Variants in TRPS1 observed in about 807,000 individuals in gnomAD.
The protein encoded by TRPS1 is transcriptional repressor GATA binding 1, also known as zinc finger transcription factor Trps1.
In TRPS1, 6 loss-of-function variants were observed where a neutral mutation model predicts 101.2. The ratio of observed to expected loss-of-function variants is 0.06; its 90% CI spans 0.03 to 0.12. The LOEUF (loss-of-function observed/expected upper bound fraction) is 0.12, where lower values mean the gene tolerates loss of function less well. Ranked by LOEUF, TRPS1 falls within the 10% of genes least tolerant of loss-of-function variation. The probability of loss-of-function intolerance (pLI) is 1.00; values close to 1 mark genes in which losing one functional copy is unlikely to be tolerated. For synonymous variants in TRPS1, 578 were observed against 589.8 expected, an observed-to-expected ratio of 0.98 and a Z score of 0.29; for missense variants, 1,363 against 1,567.0, an observed-to-expected ratio of 0.87 and a Z score of 2.20.
intron 5 of TRPS1, chr8:115,492,331 AGATAATTTTGCAG>A (rs1815044136): frequency 2.2e-6 from 1 of 448,382 alleles, no homozygotes; most frequent in South Asian, 1.6e-5. Flanking sequence ...TTAGAGAGGC[AGATAATTTTGCAG>A]GAACAGACAG....
chr8:115,589,944 C>T (rs1317933743), intron 4 of TRPS1, among the ~76,000 whole-genome samples: 2 of 152,182 alleles, frequency 1.3e-5, no homozygotes, highest in East Asian at 3.9e-4. Flanking sequence ...TGGTGAAACC[C>T]CATCTCTAAT....
At position 115,498,370 on chromosome 8, in the gene TRPS1, CCCGTCTCTCT is replaced by C. The variant is rs370158947; in HGVS notation, c.2701-79928_2701-79919del. 1.9e-3 allele frequency among the ~76,000 whole-genome samples: 92 copies of C among 48,850 alleles called. 5 individuals are homozygous for C. Among genetic ancestry groups the C allele is most frequent in the East Asian group, 5.1e-3 (4 of 784 alleles). The allele number at this position is 48,850 out of a possible 152,430, so 32.0% of individuals were successfully genotyped here. A position where few individuals can be genotyped will look rare whatever the true frequency, so the allele number is the denominator to read the frequency against. On this transcript the variant is annotated intron_variant, in intron 5 of 6. Transcript: ENST00000395715. ...TCCAGCCTGGGCAACAAAGAGAGAG[CCCGTCTCTCT>C]CTCTCTCTCTCTCTCTCTCTCTCTC...
rs1035003225 is a variant in TRPS1, at chr8:115,634,739, T to A, written c.-121-10981A>T. ...GAGTACCAAACAGTACTTTTAATCCTGTTGTAACATTAAGAATGCCCTGTT... is the reference window on the plus strand; with the variant it reads ...GAGTACCAAACAGTACTTTTAATCCAGTTGTAACATTAAGAATGCCCTGTT... On this transcript the variant is annotated intron_variant, in intron 1 of 6. Coordinates refer to ENST00000395715, the MANE Select transcript of TRPS1 (RefSeq NM_014112.5). 3.9e-5 allele frequency among the ~76,000 whole-genome samples: 6 copies of A among 152,180 alleles called. No individual in the cohort carries two copies. In the East Asian group the frequency reaches 9.6e-4, roughly 24 times the overall value.
intron 5 of TRPS1, among the ~76,000 whole-genome samples, chr8:115,522,883 TTTG>T (rs1206011545): frequency 5.9e-5 from 9 of 152,096 alleles, no homozygotes; most frequent in African/African-American, 4.8e-5. Flanking sequence ...CTTTGAGTTT[TTTG>T]TTGTTGTTGT....
chr8:115,535,409 A>G (rs1586376267), intron 5 of TRPS1, among the ~76,000 whole-genome samples: 1 of 134,412 alleles, frequency 7.4e-6, no homozygotes, highest in African/African-American at 3.7e-5. Flanking sequence ...TATATATAGC[A>G]TATATAGTGC....
rs370386790 is a variant in TRPS1 at position 115,619,672 on chromosome 8, T to C, written c.426A>G (p.Gln142=). 3.7e-5 allele frequency: 59 copies of C among 1,614,050 alleles called. No homozygotes were observed. Among genetic ancestry groups the C allele is most frequent in the Non-Finnish European group, 4.2e-5 (50 of 1,180,036 alleles). ...CTTGAGGGTCATCTGCCTCTGCTCT[T>C]TGCGGAGACTTCAAGGGCTCACAGA... ...GGVCEPLKSP[Q]RAEADDPQDM... Residue 142 remains glutamine, a synonymous_variant, in exon 3 of 7, where the codon CAA becomes CAG. Coordinates refer to ENST00000395715, the MANE Select transcript of TRPS1 (RefSeq NM_014112.5).
chr8:115,565,844 A>G (rs1817055278), intron 5 of TRPS1, among the ~76,000 whole-genome samples: 1 of 152,168 alleles, frequency 6.6e-6, no homozygotes, highest in Non-Finnish European at 1.5e-5. Context: ...AGCACCAAGA[A>G]GAAGCATCAT....
chr8:115,547,914 A>C (rs1413025952), intron 5 of TRPS1, among the ~76,000 whole-genome samples: 1 of 152,116 alleles, frequency 6.6e-6, no homozygotes, highest in African/African-American at 2.4e-5. Flanking sequence ...CTTCTATTTT[A>C]AGAGAAAACT....
intron 5 of TRPS1, among the ~76,000 whole-genome samples, chr8:115,540,607 T>C (rs934148402): frequency 2.0e-5 from 3 of 150,648 alleles, no homozygotes; most frequent in Non-Finnish European, 4.4e-5. Context: ...TGGGGAATCA[T>C]AAAAAAAAAT....
chr8:115,451,339 A>C (rs1160793830), intron 5 of TRPS1, among the ~76,000 whole-genome samples: 1 of 151,518 alleles, frequency 6.6e-6, no homozygotes, highest in South Asian at 2.1e-4. Flanking sequence ...TTTTTCAATG[A>C]GTATTTTCTA....
rs1482278245 is a variant in TRPS1, at chr8:115,664,029, C to T, written c.-122+4516G>A. 2.6e-5 allele frequency among the ~76,000 whole-genome samples: 4 copies of T among 151,856 alleles called. No individual in the cohort carries two copies. The South Asian group carries it at 6.2e-4, about 24-fold the overall frequency. On this transcript the variant is annotated intron_variant, in intron 1 of 6. Transcript: ENST00000395715. Reference sequence around the variant, plus strand: ...CAAAAAGTGATCATAATAATAAAATCGAAGATATTATTTATAAAGGTCATA... The same window carrying T: ...CAAAAAGTGATCATAATAATAAAATTGAAGATATTATTTATAAAGGTCATA...
Position 115,604,489 on chromosome 8 carries a change from T to C in TRPS1, c.1480A>G (p.Ile494Val), listed in dbSNP as rs1393779307. The stretch of plus-strand genomic sequence containing the variant: ...CTTTTGGCTAGATCATTCTGATTAA[T>C]GACAGAGCCCCTGGAAAGCTTATCA... ...LNDKLSRGSV[I>V]NQNDLAKSSE... Residue 494 changes from isoleucine (I) to valine (V), a missense_variant, in exon 4 of 7, where the codon ATT becomes GTT. Ile to Val is a conservative substitution (Grantham distance 29). This residue lies in a region of TRPS1 where 1,020 missense variants were observed against 1,073.0 expected (regional missense o/e 0.95). Coordinates refer to ENST00000395715, the MANE Select transcript of TRPS1 (RefSeq NM_014112.5). The surrounding 1 kb of genome is among the most constrained non-coding windows in gnomAD (Gnocchi z 4.1). 1.2e-6 allele frequency: 2 copies of C among 1,614,142 alleles called. No individual in the cohort carries two copies.
At chr8:115,427,873 A>G (rs940966935) in intron 5 of TRPS1, among the ~76,000 whole-genome samples, 7 of 151,752 alleles carry the variant, frequency 4.6e-5, no homozygotes, top group African/African-American at 1.7e-4. Flanking sequence ...GGGGTGCAGT[A>G]CATGTGTTTT....
rs575401712 is a variant in TRPS1 at position 115,658,684 on chromosome 8, G to A, written c.-122+9861C>T. On this transcript the variant is annotated intron_variant, in intron 1 of 6. Coordinates refer to ENST00000395715, the MANE Select transcript of TRPS1 (RefSeq NM_014112.5). The stretch of plus-strand genomic sequence containing the variant: ...ATGTCCATAATTATGTGCTAACAGT[G>A]ATATACTGAATTATTCTGGGAGTAA... Among the ~76,000 whole-genome samples the A allele has an allele frequency of 3.9e-5, 6 of 152,154 alleles. 1 individual carries two copies. The South Asian group carries it at 1.2e-3, about 32-fold the overall frequency.
At chr8:115,498,411 CTCTCTATATATATATATATATATA>C (rs1222572416) in intron 5 of TRPS1, among the ~76,000 whole-genome samples, 68 of 72,682 alleles carry the variant, frequency 9.4e-4, no homozygotes, top group African/African-American at 6.0e-3. Flanking sequence ...CTCTCTCTCT[CTCTCTATATATATATATATATATA>C]TATATATATA....
At chr8:115,500,583 G>A (rs1343369124) in intron 5 of TRPS1, among the ~76,000 whole-genome samples, 4 of 152,134 alleles carry the variant, frequency 2.6e-5, no homozygotes, top group African/African-American at 9.7e-5. Context: ...CTTGATGTGT[G>A]AAGAACATGG....
At chr8:115,466,742 C>G (rs1311847317) in intron 5 of TRPS1, among the ~76,000 whole-genome samples, 1 of 152,056 alleles carries the variant, frequency 6.6e-6, no homozygotes, top group African/African-American at 2.4e-5. Context: ...TTTACAAATG[C>G]CCAGAGGCAT....
chr8:115,626,103 A>G (rs563636316), intron 1 of TRPS1, among the ~76,000 whole-genome samples: 16 of 151,870 alleles, frequency 1.1e-4, no homozygotes, highest in South Asian at 4.1e-4. Context: ...AAAAACTTTT[A>G]AAAGAAAGAA....
intron 1 of TRPS1, among the ~76,000 whole-genome samples, chr8:115,625,745 C>CAT (rs1818491259): frequency 6.6e-6 from 1 of 151,812 alleles, no homozygotes; most frequent in Non-Finnish European, 1.5e-5. Context: ...TATGTGTGTG[C>CAT]ATATATATGT....
Sources: gnomAD v4.1 joint callset for allele counts (sites outside exome capture counted in the v4.1 genomes callset) on GRCh38, gnomAD v4.1.1 for gene constraint, gnomAD v4.1.1 regional missense constraint, Gnocchi (gnomAD v3.1) non-coding constraint, MANE v1.5 for transcripts, NCBI Gene and HGNC (gene_info 2026-07-23, HGNC 2026-07-21) for gene names.